The following OXCT1 variants were observed in gnomAD, a reference collection of about 807,000 sequenced individuals.
OXCT1 encodes 3-oxoacid CoA-transferase 1.
In OXCT1, 27 loss-of-function variants were observed where a neutral mutation model predicts 69.6. That is an observed-to-expected ratio of 0.39 (90% CI 0.29 to 0.54). The LOEUF (loss-of-function observed/expected upper bound fraction) is 0.54. Among genes scored for constraint, OXCT1 ranks in the 20% least tolerant of loss-of-function variants. The pLI, the probability that OXCT1 is intolerant of heterozygous loss-of-function variation, is 0.72. For missense variants in OXCT1, 437 were observed against 650.2 expected (o/e 0.67, Z 3.57); for synonymous variants, 202 against 217.8 (o/e 0.93, Z 0.64).
At chr5:41,748,731 C>T (rs1416625887) in intron 15 of OXCT1, among the ~76,000 whole-genome samples, 6 of 151,948 alleles carry the variant, frequency 3.9e-5, no homozygotes, top group South Asian at 2.1e-4. Flanking sequence ...GTGAGGTTAG[C>T]GAGTCAGATT....
chr5:41,750,127 GTTTTTTGGTTTTTTTTTTT>G (rs1743696552), intron 14 of OXCT1, among the ~76,000 whole-genome samples: 1 of 73,356 alleles, frequency 1.4e-5, no homozygotes, highest in African/African-American at 5.5e-5. Flanking sequence ...ATTCTAGTGT[GTTTTTTGGTTTTTTTTTTT>G]TTTTTTTTTT....
chr5:41,791,345 C>T (rs1237792519), intron 13 of OXCT1, among the ~76,000 whole-genome samples: 1 of 152,192 alleles, frequency 6.6e-6, no homozygotes, highest in East Asian at 1.9e-4. Flanking sequence ...CATGATGTTC[C>T]TACAGAACTC....
chr5:41,822,019 G>T (rs994031476), intron 7 of OXCT1, among the ~76,000 whole-genome samples: 1 of 151,998 alleles, frequency 6.6e-6, no homozygotes, highest in Non-Finnish European at 1.5e-5. Flanking sequence ...TCTTATTTCC[G>T]ATGAGTTTTC....
chr5:41,824,861 C>T (rs1171879480), intron 7 of OXCT1, among the ~76,000 whole-genome samples: 1 of 152,108 alleles, frequency 6.6e-6, no homozygotes, highest in Non-Finnish European at 1.5e-5. Flanking sequence ...CCTGTATTCG[C>T]CTGAGTTTGG....
chr5:41,745,942 T>C (rs893199315), intron 15 of OXCT1, among the ~76,000 whole-genome samples: 1 of 152,030 alleles, frequency 6.6e-6, no homozygotes. Flanking sequence ...CAGGACCAGA[T>C]GGATTCACAG....
intron 13 of OXCT1, among the ~76,000 whole-genome samples, chr5:41,789,679 A>G (rs1195258026): frequency 6.6e-6 from 1 of 152,190 alleles, no homozygotes; most frequent in Admixed American, 6.5e-5. Flanking sequence ...GTTTCATATG[A>G]CCTCATATGG....
intron 7 of OXCT1, among the ~76,000 whole-genome samples, chr5:41,810,079 A>C (rs1178698045): frequency 6.6e-6 from 1 of 151,844 alleles, no homozygotes; most frequent in Non-Finnish European, 1.5e-5. Context: ...ATCTATGAAA[A>C]GAGTTTAAAA....
At chr5:41,827,741 C>T (rs566818923) in intron 7 of OXCT1, among the ~76,000 whole-genome samples, 1 of 152,158 alleles carries the variant, frequency 6.6e-6, no homozygotes, top group Non-Finnish European at 1.5e-5. Context: ...TTTACCTTAC[C>T]AACAAATAAG....
Position 41,812,242 on chromosome 5 carries a change from G to A in OXCT1, c.733-4804C>T, listed in dbSNP as rs930904129. On this transcript the variant is annotated intron_variant, in intron 7 of 16. Transcript: ENST00000196371. Reference sequence around the variant, plus strand: ...ATAGACCAGGAAGTGAATCTTAAACGTACACAGAAATATATCCTGGTCTTT... The same window carrying A: ...ATAGACCAGGAAGTGAATCTTAAACATACACAGAAATATATCCTGGTCTTT... Among the ~76,000 whole-genome samples, 6 of 151,934 alleles carry A rather than the reference G, an allele frequency of 3.9e-5. No homozygotes were observed. In the East Asian group the frequency reaches 5.8e-4, roughly 15 times the overall value.
At chr5:41,838,647 C>G (rs1362270587) in intron 7 of OXCT1, among the ~76,000 whole-genome samples, 17 of 145,926 alleles carry the variant, frequency 1.2e-4, no homozygotes, top group African/African-American at 4.1e-4. Context: ...TTTTTTGAGA[C>G]AGGGTCTCAC....
rs745974297 is a variant in OXCT1 at position 41,739,480 on chromosome 5, A to T, written c.1431T>A (p.Asp477Glu). ...NRIITEKAVF[D>E]VDKKKGLTLI... The stretch of plus-strand genomic sequence containing the variant: ...GAGTCAACCCTTTCTTCTTGTCCAC[A>T]TCAAACACAGCCTGTCAGAGTGGGA... Residue 477 changes from aspartate to glutamate, a missense_variant, in exon 16 of 17, where the codon GAT (aspartate) becomes GAA (glutamate). Transcript: ENST00000196371. The T allele has an allele frequency of 1.9e-6, 3 of 1,610,790 alleles. No individual in the cohort carries two copies. The East Asian group carries it at 6.7e-5, about 36-fold the overall frequency.
At chr5:41,788,000 A>G (rs1301005989) in intron 13 of OXCT1, among the ~76,000 whole-genome samples, 1 of 152,142 alleles carries the variant, frequency 6.6e-6, no homozygotes, top group Non-Finnish European at 1.5e-5. Context: ...AATATAAAAG[A>G]TTTTTCCTCA....
At chr5:41,834,487 C>CCA (rs1439215870) in intron 7 of OXCT1, among the ~76,000 whole-genome samples, 3 of 75,110 alleles carry the variant, frequency 4.0e-5, no homozygotes, top group African/African-American at 1.3e-4. Context: ...TGGAAACCCA[C>CCA]AAAAAAAAAA....
intron 16 of OXCT1, among the ~76,000 whole-genome samples, chr5:41,737,421 C>A (rs543934069): frequency 3.4e-4 from 51 of 151,164 alleles, no homozygotes; most frequent in African/African-American, 1.2e-3. Flanking sequence ...CCAGGTCTTC[C>A]TTTGTACATT....
intron 1 of OXCT1, among the ~76,000 whole-genome samples, chr5:41,866,022 A>ACCCC (rs61504704): frequency 1.7e-4 from 20 of 116,368 alleles, no homozygotes; most frequent in Non-Finnish European, 3.0e-4. Flanking sequence ...TGTACAGTAG[A>ACCCC]CCCCCCCCCC....
chr5:41,752,766 CA>C (rs200314380), intron 14 of OXCT1, among the ~76,000 whole-genome samples: 2 of 151,542 alleles, frequency 1.3e-5, no homozygotes, highest in East Asian at 1.9e-4. Context: ...CAAAAACAAA[CA>C]AAAAAAACTG....
chr5:41,750,135 G>GTTTTTTTTTTTTTTTTTTTTTTT (rs11291155), intron 14 of OXCT1, among the ~76,000 whole-genome samples: 17 of 73,918 alleles, frequency 2.3e-4, no homozygotes, highest in South Asian at 5.3e-4. Context: ...GTGTTTTTTG[G>GTTTTTTTTTTTTTTTTTTTTTTT]TTTTTTTTTT....
In OXCT1 at chr5:41,741,065, C is replaced by T. The variant is rs149049921; in HGVS notation, c.1420-1574G>A. ...TCCAGGGTTCAAGTGATTCTCTTGCCTCAGCCTCCTGAGTAGCTGGGATTA... is the reference window on the plus strand; with the variant it reads ...TCCAGGGTTCAAGTGATTCTCTTGCTTCAGCCTCCTGAGTAGCTGGGATTA... On this transcript the variant is annotated intron_variant, in intron 15 of 16. Coordinates refer to ENST00000196371, the MANE Select transcript of OXCT1 (RefSeq NM_000436.4). Among the ~76,000 whole-genome samples, 1,056 of 152,008 alleles carry T rather than the reference C, an allele frequency of 6.9e-3. 11 individuals are homozygous for T. Among genetic ancestry groups the T allele is most frequent in the African/African-American group, 0.024 (1,004 of 41,434 alleles).
chr5:41,859,170 A>T (rs185069943), intron 3 of OXCT1, among the ~76,000 whole-genome samples: 1 of 152,282 alleles, frequency 6.6e-6, no homozygotes, highest in East Asian at 1.9e-4. Context: ...GATCAGATAG[A>T]TTGCTGCAGT....
Sources: gnomAD v4.1 joint callset for allele counts (sites outside exome capture counted in the v4.1 genomes callset) on GRCh38, gnomAD v4.1.1 for gene constraint, MANE v1.5 for transcripts, NCBI Gene and HGNC (gene_info 2026-07-23, HGNC 2026-07-21) for gene names.